The following SUSD6 variants were observed in gnomAD, a reference collection of about 807,000 sequenced individuals.
The protein encoded by SUSD6 is sushi domain-containing protein 6.
Under a neutral mutation model 28.4 loss-of-function variants are expected in SUSD6, and 16 were observed. The observed-to-expected ratio is 0.56, with a 90% CI of 0.38 to 0.86. The LOEUF (loss-of-function observed/expected upper bound fraction) is 0.86. Ranked by LOEUF, SUSD6 falls within the 40% of genes least tolerant of loss-of-function variation. The probability of loss-of-function intolerance (pLI) is 0.00; values close to 1 mark genes in which losing one functional copy is unlikely to be tolerated. For synonymous variants in SUSD6, 147 were observed against 159.6 expected (o/e 0.92, Z 0.59); for missense variants, 341 against 384.2 (o/e 0.89, Z 0.94).
At chr14:69,682,439 C>T (rs1317982465) in intron 2 of SUSD6, among the ~76,000 whole-genome samples, 1 of 152,120 alleles carries the variant, frequency 6.6e-6, no homozygotes, top group African/African-American at 2.4e-5. Flanking sequence ...CCCTACTTTG[C>T]CCATGTCTCT....
intron 1 of SUSD6, among the ~76,000 whole-genome samples, chr14:69,650,737 G>T (rs930905814): frequency 1.3e-5 from 2 of 151,954 alleles, no homozygotes; most frequent in South Asian, 2.1e-4. Context: ...TCTCTGCAGT[G>T]TGCAGAGGCT....
chr14:69,663,390 A>G (rs1016707701), intron 2 of SUSD6, among the ~76,000 whole-genome samples: 2 of 152,244 alleles, frequency 1.3e-5, no homozygotes, highest in Admixed American at 1.3e-4. Context: ...ACAGAAAGCC[A>G]GGCAGTTAGT....
chr14:69,711,342 G>A lies in SUSD6; in HGVS notation c.*363G>A. 3.2e-6 allele frequency: 1 copy of A among 310,158 alleles called. No homozygotes were observed. Among genetic ancestry groups the A allele is most frequent in the Admixed American group, 4.7e-5 (1 of 21,436 alleles). 19.2% of individuals were successfully genotyped at this position (310,158 alleles called of 1,614,324 possible). On this transcript the variant is annotated 3_prime_UTR_variant, in exon 6 of 6. Coordinates refer to ENST00000342745, the MANE Select transcript of SUSD6 (RefSeq NM_014734.4). Reference sequence around the variant, plus strand: ...CTCCTGTGGGCCTGAGTGCTGCTGTGTTTACTTGTGCCTTTCCCCCACCCT... The same window carrying A: ...CTCCTGTGGGCCTGAGTGCTGCTGTATTTACTTGTGCCTTTCCCCCACCCT...
At chr14:69,709,219 T>C (rs1385657790) in intron 5 of SUSD6, 115 bp downstream of exon 5, 1 of 968,462 alleles carries the variant, frequency 1.0e-6, no homozygotes, top group African/African-American at 1.7e-5. Context: ...AAAAAGATAG[T>C]ACCTGGGGTA....
At chr14:69,702,167 A>G (rs1212585116) in intron 2 of SUSD6, among the ~76,000 whole-genome samples, 5 of 152,180 alleles carry the variant, frequency 3.3e-5, no homozygotes. Context: ...TCTCATACAG[A>G]TGTCCTTGTG....
chr14:69,670,542 G>A (rs906499048), intron 2 of SUSD6: 1 of 456,480 alleles, frequency 2.2e-6, no homozygotes, highest in Non-Finnish European at 4.4e-6. Flanking sequence ...AGACAAGGTG[G>A]CATAGTCAGG....
At chr14:69,637,941 A>G (rs951653153) in intron 1 of SUSD6, among the ~76,000 whole-genome samples, 1 of 152,010 alleles carries the variant, frequency 6.6e-6, no homozygotes, top group African/African-American at 2.4e-5. Flanking sequence ...GTGCTCAGTT[A>G]TGCTATGCTT....
intron 2 of SUSD6, among the ~76,000 whole-genome samples, chr14:69,682,442 A>G (rs952615924): frequency 6.6e-6 from 1 of 152,172 alleles, no homozygotes; most frequent in African/African-American, 2.4e-5. Context: ...TACTTTGCCC[A>G]TGTCTCTTCC....
chr14:69,669,138 A>G (rs1885792292), intron 2 of SUSD6, among the ~76,000 whole-genome samples: 3 of 133,716 alleles, frequency 2.2e-5, no homozygotes, highest in Admixed American at 1.8e-4. Flanking sequence ...ATCTCGGCTC[A>G]CTGCAACCTC....
Position 69,711,038 on chromosome 14 carries a change from G to A in SUSD6, c.*59G>A, listed in dbSNP as rs1194376774. ...CTCTCAGCCCTTCCTCCCTCTCCCT[G>A]TGGGATTGAGCACCCTGTACTCTCC... On this transcript the variant is annotated 3_prime_UTR_variant, in exon 6 of 6. Transcript: ENST00000342745. The A allele has an allele frequency of 6.4e-7, 1 of 1,560,122 alleles. No homozygotes were observed. Among genetic ancestry groups the A allele is most frequent in the Non-Finnish European group, 8.8e-7 (1 of 1,130,964 alleles).
chr14:69,669,317 C>T (rs1484255973), intron 2 of SUSD6, among the ~76,000 whole-genome samples: 1 of 152,166 alleles, frequency 6.6e-6, no homozygotes, highest in Non-Finnish European at 1.5e-5. Context: ...CTGCCTCGGC[C>T]TCCCAAAGTG....
intron 1 of SUSD6, among the ~76,000 whole-genome samples, chr14:69,639,333 A>G (rs1885314974): frequency 6.6e-6 from 1 of 151,276 alleles, no homozygotes; most frequent in Non-Finnish European, 1.5e-5. Flanking sequence ...AAAAAAAAAA[A>G]AAAAAAGAAA....
intron 2 of SUSD6, among the ~76,000 whole-genome samples, chr14:69,697,078 G>T (rs955290269): frequency 2.6e-5 from 4 of 152,140 alleles, no homozygotes; most frequent in African/African-American, 4.8e-5. Context: ...GGAACTGAGG[G>T]TTCCTCCCCT....
intron 2 of SUSD6, among the ~76,000 whole-genome samples, chr14:69,676,076 G>A (rs1207918001): frequency 1.3e-5 from 2 of 152,200 alleles, no homozygotes; most frequent in Non-Finnish European, 2.9e-5. Flanking sequence ...CTAATGGGGG[G>A]AAAAGATAAG....
intron 2 of SUSD6, among the ~76,000 whole-genome samples, chr14:69,667,969 GCATTGTGGGAAAGGTACTC>G (rs1275738964): frequency 2.0e-5 from 3 of 152,162 alleles, no homozygotes; most frequent in Admixed American, 6.5e-5. Context: ...TCCAACACAC[GCATTGTGGGAAAGGTACTC>G]CATAGGTGGG....
intron 2 of SUSD6, among the ~76,000 whole-genome samples, chr14:69,668,816 C>G (rs910836234): frequency 6.6e-6 from 1 of 151,748 alleles, no homozygotes; most frequent in Non-Finnish European, 1.5e-5. Flanking sequence ...CACATGAGAT[C>G]TGGTGGTTTA....
In SUSD6 at chr14:69,678,514, A is replaced by G. The variant is rs543397041; in HGVS notation, c.121+19801A>G. ...CTCCAGTTGTTCACTGTTAAAAACAATGCTGCGGCTGGGCATGATGGCTCA... is the reference window on the plus strand; with the variant it reads ...CTCCAGTTGTTCACTGTTAAAAACAGTGCTGCGGCTGGGCATGATGGCTCA... On this transcript the variant is annotated intron_variant, in intron 2 of 5. Coordinates refer to ENST00000342745, the MANE Select transcript of SUSD6 (RefSeq NM_014734.4). 3.9e-5 allele frequency among the ~76,000 whole-genome samples: 6 copies of G among 152,242 alleles called. No individual in the cohort carries two copies. In the East Asian group the frequency reaches 9.6e-4, roughly 24 times the overall value.
chr14:69,622,915 T>C (rs1398785122), intron 1 of SUSD6, among the ~76,000 whole-genome samples: 1 of 152,148 alleles, frequency 6.6e-6, no homozygotes, highest in Admixed American at 6.6e-5. Context: ...ATGTAAGATA[T>C]CGCATACTGT....
At chr14:69,652,213 G>C (rs1404785486) in intron 1 of SUSD6, among the ~76,000 whole-genome samples, 1 of 152,138 alleles carries the variant, frequency 6.6e-6, no homozygotes, top group Non-Finnish European at 1.5e-5. Flanking sequence ...TGTAGAGGTC[G>C]AGACAGGCAG....
Sources: gnomAD v4.1 joint callset for allele counts (sites outside exome capture counted in the v4.1 genomes callset) on GRCh38, gnomAD v4.1.1 for gene constraint, MANE v1.5 for transcripts, NCBI Gene and HGNC (gene_info 2026-07-23, HGNC 2026-07-21) for gene names.